The following ZSWIM5 variants were observed in gnomAD, a reference collection of about 807,000 sequenced individuals.
ZSWIM5 encodes the protein zinc finger SWIM-type containing 5.
A neutral mutation model predicts 119.6 loss-of-function variants in ZSWIM5; 55 were observed. The ratio of observed to expected loss-of-function variants is 0.46; its 90% CI spans 0.37 to 0.58. The LOEUF (loss-of-function observed/expected upper bound fraction) is 0.58. Ranked by LOEUF, ZSWIM5 falls within the 20% of genes least tolerant of loss-of-function variation. ZSWIM5 has a pLI of 0.00. For synonymous variants in ZSWIM5, 537 were observed against 606.9 expected (o/e 0.88, Z 1.69); for missense variants, 1,193 against 1,512.8 (o/e 0.79, Z 3.51).
chr1:45,018,407 T>C lies in ZSWIM5; in HGVS notation c.*47A>G, dbSNP rs1391872653. 1.3e-6 allele frequency: 2 copies of C among 1,587,652 alleles called. No homozygotes were observed. The highest frequency in any genetic ancestry group is 1.7e-5 in the Admixed American group (1 of 58,654). On this transcript the variant is annotated 3_prime_UTR_variant, in exon 14 of 14. Transcript: ENST00000359600. The surrounding 1 kb of genome is among the most constrained non-coding windows in gnomAD (Gnocchi z 6.7). ...TTTCAGTGCCCTTGGCCTGACCTGA[T>C]ACTACCTGGGAACCCAGGCTGCTCT...
In ZSWIM5 at chr1:45,028,710, C is replaced by G. The variant is rs774480402; in HGVS notation, c.2449+5602G>C. ...CACAGGGGTTGCAGTGAGCTGAAAT[C>G]GCGCCACTCATTTCAGCCTGGGTGA... On this transcript the variant is annotated intron_variant, in intron 11 of 13. Coordinates refer to ENST00000359600, the MANE Select transcript of ZSWIM5 (RefSeq NM_020883.2). Among the ~76,000 whole-genome samples the G allele has an allele frequency of 2.0e-5, 3 of 151,866 alleles. No homozygotes were observed. In the East Asian group the frequency reaches 5.8e-4, roughly 29 times the overall value.
intron 1 of ZSWIM5, among the ~76,000 whole-genome samples, chr1:45,195,375 C>T (rs1481504641): frequency 6.6e-6 from 1 of 151,694 alleles, no homozygotes; most frequent in Non-Finnish European, 1.5e-5. Context: ...GTAGCTGGGA[C>T]TCTAAGTGTG....
chr1:45,083,794 G>C (rs561395876), intron 2 of ZSWIM5, among the ~76,000 whole-genome samples: 2 of 152,326 alleles, frequency 1.3e-5, no homozygotes, highest in African/African-American at 4.8e-5. Context: ...AAGATGTGCA[G>C]GAAACATGTC....
At chr1:45,191,652 C>T (rs1646093843) in intron 1 of ZSWIM5, among the ~76,000 whole-genome samples, 1 of 152,154 alleles carries the variant, frequency 6.6e-6, no homozygotes, top group African/African-American at 2.4e-5. Context: ...TGAAAGTACA[C>T]AGAGAATTGA....
At chr1:45,162,859 G>T (rs1323229791) in intron 1 of ZSWIM5, among the ~76,000 whole-genome samples, 2 of 152,200 alleles carry the variant, frequency 1.3e-5, no homozygotes, top group Non-Finnish European at 2.9e-5. Flanking sequence ...AGCTCAAGGA[G>T]GCCTGCCTGC....
At chr1:45,138,286 T>C (rs1645701752) in intron 1 of ZSWIM5, among the ~76,000 whole-genome samples, 1 of 151,886 alleles carries the variant, frequency 6.6e-6, no homozygotes, top group African/African-American at 2.4e-5. Context: ...GGTGGATCAC[T>C]TGAGGTCAGG....
chr1:45,166,046 A>G (rs1050485168), intron 1 of ZSWIM5, among the ~76,000 whole-genome samples: 1 of 152,196 alleles, frequency 6.6e-6, no homozygotes, highest in Non-Finnish European at 1.5e-5. Context: ...ATCCCTGATG[A>G]ACATCGATGC....
At chr1:45,155,200 C>T (rs917364815) in intron 1 of ZSWIM5, among the ~76,000 whole-genome samples, 2 of 151,812 alleles carry the variant, frequency 1.3e-5, no homozygotes, top group Non-Finnish European at 1.5e-5. Context: ...AAAAAAAAAT[C>T]CCATCAAAAA....
intron 1 of ZSWIM5, among the ~76,000 whole-genome samples, chr1:45,111,946 A>G (rs1373874638): frequency 1.3e-5 from 2 of 152,188 alleles, no homozygotes; most frequent in South Asian, 2.1e-4. Flanking sequence ...TGCCTAACAT[A>G]ATGATTGAAA....
intron 1 of ZSWIM5, among the ~76,000 whole-genome samples, chr1:45,107,254 A>G (rs1249170537): frequency 6.6e-6 from 1 of 152,172 alleles, no homozygotes; most frequent in African/African-American, 2.4e-5. Context: ...GTTATTTTGG[A>G]AACATTTCGT....
intron 11 of ZSWIM5, among the ~76,000 whole-genome samples, chr1:45,023,140 G>T (rs546848143): frequency 1.3e-5 from 2 of 152,168 alleles, no homozygotes; most frequent in Non-Finnish European, 2.9e-5. Flanking sequence ...TTATACAGTT[G>T]TATGGGTTTT....
chr1:45,205,606 T>C (rs1311423212), intron 1 of ZSWIM5, 150 bp downstream of exon 1: 33 of 728,044 alleles, frequency 4.5e-5, no homozygotes, highest in Non-Finnish European at 5.9e-5. Context: ...GAGTGAAAGG[T>C]TGAAAAAAGT....
At chr1:45,066,367 CG>C (rs1290390521) in intron 2 of ZSWIM5, among the ~76,000 whole-genome samples, 1 of 152,048 alleles carries the variant, frequency 6.6e-6, no homozygotes, top group Non-Finnish European at 1.5e-5. Context: ...AAAGCAGATA[CG>C]GAGCTTATAG....
At chr1:45,027,824 G>A (rs769791518) in intron 11 of ZSWIM5, among the ~76,000 whole-genome samples, 12 of 152,074 alleles carry the variant, frequency 7.9e-5, no homozygotes, top group Non-Finnish European at 1.8e-4. Flanking sequence ...GATTATGGGT[G>A]TGAGCCACCA....
chr1:45,184,868 A>C (rs1026607711), intron 1 of ZSWIM5, among the ~76,000 whole-genome samples: 20 of 152,074 alleles, frequency 1.3e-4, no homozygotes, highest in Non-Finnish European at 2.4e-4. Context: ...CAAGCTACCA[A>C]TGACTTTCTT....
chr1:45,021,557 G>T (rs1329424134), intron 11 of ZSWIM5, among the ~76,000 whole-genome samples: 4 of 152,186 alleles, frequency 2.6e-5, no homozygotes, highest in Non-Finnish European at 5.9e-5. Flanking sequence ...GTGTATGAAA[G>T]ACTGTTATAT....
At chr1:45,021,038 A>T (rs1165606077) in intron 11 of ZSWIM5, among the ~76,000 whole-genome samples, 1 of 146,522 alleles carries the variant, frequency 6.8e-6, no homozygotes, top group African/African-American at 2.5e-5. Context: ...TACCCTCAGG[A>T]TCCTTTTTTT....
At chr1:45,190,233 G>T (rs1444019557) in intron 1 of ZSWIM5, among the ~76,000 whole-genome samples, 1 of 152,144 alleles carries the variant, frequency 6.6e-6, no homozygotes, top group Non-Finnish European at 1.5e-5. Context: ...GCTGAAGTAG[G>T]AGGATCACCT....
chr1:45,086,861 TTA>T (rs1645333064), intron 2 of ZSWIM5, among the ~76,000 whole-genome samples: 1 of 151,780 alleles, frequency 6.6e-6, no homozygotes. Context: ...GAAAACTGGC[TTA>T]TTAACTCTTC....
Sources: allele counts gnomAD v4.1 joint callset (sites outside exome capture counted in the v4.1 genomes callset), GRCh38; gene constraint gnomAD v4.1.1; non-coding constraint Gnocchi (gnomAD v3.1); transcripts MANE v1.5; gene names NCBI Gene and HGNC (gene_info 2026-07-23, HGNC 2026-07-21).